STXBP5L: variants seen among roughly 807,000 people sequenced by gnomAD.
The protein encoded by STXBP5L is syntaxin binding protein 5L.
In STXBP5L, 65 loss-of-function variants were observed where a neutral mutation model predicts 144.5. That is an observed-to-expected ratio of 0.45 (90% CI 0.37 to 0.55). The LOEUF (loss-of-function observed/expected upper bound fraction) is 0.55, where lower values mean the gene tolerates loss of function less well. STXBP5L is among the 20% of genes least tolerant of loss of function. STXBP5L has a pLI of 0.00. For synonymous variants in STXBP5L, 505 were observed against 469.6 expected (o/e 1.08, Z -0.97); for missense variants, 1,298 against 1,405.5 (o/e 0.92, Z 1.22).
intron 9 of STXBP5L, among the ~76,000 whole-genome samples, chr3:121,159,890 C>T (rs760433909): frequency 4.6e-5 from 7 of 152,080 alleles, no homozygotes; most frequent in African/African-American, 1.2e-4. Flanking sequence ...CCTCAGCCTC[C>T]CAAAGTGCTG....
At chr3:120,976,314 T>C (rs535629998) in intron 3 of STXBP5L, among the ~76,000 whole-genome samples, 1 of 152,330 alleles carries the variant, frequency 6.6e-6, no homozygotes, top group Admixed American at 6.5e-5. Context: ...TTTCCTAGAT[T>C]TTCTAGTTTA....
chr3:121,125,601 A>G (rs2044670817), intron 7 of STXBP5L, among the ~76,000 whole-genome samples: 1 of 152,172 alleles, frequency 6.6e-6, no homozygotes, highest in Non-Finnish European at 1.5e-5. Context: ...AGATGCCTGT[A>G]TTGATTTGAT....
chr3:120,921,586 T>C (rs1709361211), intron 2 of STXBP5L, among the ~76,000 whole-genome samples: 1 of 152,048 alleles, frequency 6.6e-6, no homozygotes, highest in Admixed American at 6.6e-5. Context: ...AGCATTTTCT[T>C]CTAGTAGATT....
intron 10 of STXBP5L, among the ~76,000 whole-genome samples, chr3:121,218,652 T>C (rs548911126): frequency 1.3e-5 from 2 of 152,004 alleles, no homozygotes; most frequent in South Asian, 4.1e-4. Flanking sequence ...GGCAAGGAGA[T>C]GCCTGAGATG....
At chr3:121,192,577 C>G (rs1037132159) in intron 9 of STXBP5L, among the ~76,000 whole-genome samples, 4 of 152,136 alleles carry the variant, frequency 2.6e-5, no homozygotes, top group Non-Finnish European at 4.4e-5. Context: ...GACTATACTA[C>G]AAAGCTACAG....
chr3:121,076,133 T>G (rs2877406), intron 5 of STXBP5L, among the ~76,000 whole-genome samples: 15,089 of 152,154 alleles, frequency 0.099, 1,172 homozygotes, highest in Admixed American at 0.2. Flanking sequence ...TTCAAATAAA[T>G]TTGTTTCTGT....
At chr3:121,283,896 TG>T (rs781223014) in intron 19 of STXBP5L, among the ~76,000 whole-genome samples, 5,156 of 99,162 alleles carry the variant, frequency 0.052, 112 homozygotes, top group Middle Eastern at 0.11. Flanking sequence ...TGTGTGTGCT[TG>T]TGTGTGTGTG....
intron 20 of STXBP5L, among the ~76,000 whole-genome samples, chr3:121,354,222 G>A (rs200751060): frequency 6.6e-6 from 1 of 152,136 alleles, no homozygotes; most frequent in Non-Finnish European, 1.5e-5. Context: ...CTGAGTTCAA[G>A]TCCTGGATAT....
At chr3:121,151,401 T>C (rs1245523984) in intron 7 of STXBP5L, among the ~76,000 whole-genome samples, 1 of 152,282 alleles carries the variant, frequency 6.6e-6, no homozygotes, top group South Asian at 2.1e-4. Flanking sequence ...ATTGCTTTAA[T>C]GAACTGATAT....
At chr3:121,137,961 A>G (rs1264412602) in intron 7 of STXBP5L, among the ~76,000 whole-genome samples, 2 of 152,148 alleles carry the variant, frequency 1.3e-5, no homozygotes, top group Non-Finnish European at 2.9e-5. Context: ...AATATAAGGC[A>G]TCCAAATTTG....
intron 8 of STXBP5L, among the ~76,000 whole-genome samples, chr3:121,154,337 CA>C (rs2046043350): frequency 6.6e-6 from 1 of 151,768 alleles, no homozygotes; most frequent in East Asian, 1.9e-4. Flanking sequence ...ATCTAGAAAG[CA>C]TGCTTAATAC....
chr3:121,049,958 A>C (rs1192891688), intron 5 of STXBP5L, among the ~76,000 whole-genome samples: 1 of 152,068 alleles, frequency 6.6e-6, no homozygotes, highest in African/African-American at 2.4e-5. Flanking sequence ...CAAGGATGCA[A>C]AGGTCCATGA....
At chr3:121,201,374 T>C (rs1046744843) in intron 9 of STXBP5L, among the ~76,000 whole-genome samples, 2 of 152,212 alleles carry the variant, frequency 1.3e-5, no homozygotes, top group Non-Finnish European at 2.9e-5. Context: ...TTGGTAAATA[T>C]TCCTCCATCT....
intron 3 of STXBP5L, among the ~76,000 whole-genome samples, chr3:121,020,543 A>G (rs927640120): frequency 1.3e-5 from 2 of 152,250 alleles, no homozygotes; most frequent in African/African-American, 2.4e-5. Context: ...AGGAAAACCT[A>G]TCAGATTAAC....
intron 5 of STXBP5L, among the ~76,000 whole-genome samples, chr3:121,098,497 T>G (rs1226389685): frequency 1.3e-5 from 2 of 152,178 alleles, no homozygotes; most frequent in Non-Finnish European, 1.5e-5. Flanking sequence ...TCTGACTCTA[T>G]AAGATTAGTC....
intron 3 of STXBP5L, among the ~76,000 whole-genome samples, chr3:120,978,200 G>A (rs762085251): frequency 4.6e-5 from 7 of 152,130 alleles, no homozygotes; most frequent in East Asian, 1.9e-4. Context: ...TGTAGATTCC[G>A]TCTTTTCACC....
chr3:120,990,208 A>G (rs1272920462), intron 3 of STXBP5L, among the ~76,000 whole-genome samples: 2 of 152,194 alleles, frequency 1.3e-5, no homozygotes, highest in Admixed American at 6.5e-5. Flanking sequence ...CCCATTCACA[A>G]TTGCTTCAAA....
intron 3 of STXBP5L, among the ~76,000 whole-genome samples, chr3:121,001,724 G>A (rs1003761942): frequency 6.6e-6 from 1 of 152,260 alleles, no homozygotes; most frequent in Admixed American, 6.5e-5. Flanking sequence ...ACCCTGTATA[G>A]GGTTCCCAGC....
At chr3:121,176,684 A>G (rs1018204951) in intron 9 of STXBP5L, among the ~76,000 whole-genome samples, 1 of 151,858 alleles carries the variant, frequency 6.6e-6, no homozygotes, top group Non-Finnish European at 1.5e-5. Context: ...AAAAAGACAA[A>G]ATCATCTCAA....
Sources: allele counts gnomAD v4.1 joint callset (sites outside exome capture counted in the v4.1 genomes callset), GRCh38; gene constraint gnomAD v4.1.1; transcripts MANE v1.5; gene names NCBI Gene and HGNC (gene_info 2026-07-23, HGNC 2026-07-21).